The following ANKIB1 variants were observed in gnomAD, a reference collection of about 807,000 sequenced individuals.
ANKIB1 encodes the protein ankyrin repeat and IBR domain-containing protein 1.
Under a neutral mutation model 122.1 loss-of-function variants are expected in ANKIB1, and 43 were observed. The ratio of observed to expected loss-of-function variants is 0.35; its 90% confidence interval spans 0.28 to 0.45. The LOEUF (loss-of-function observed/expected upper bound fraction) is 0.45. ANKIB1 is among the 20% of genes least tolerant of loss of function. The pLI is 1.00. For missense variants in ANKIB1, 992 were observed against 1,329.5 expected (o/e 0.75, Z 3.95); for synonymous variants, 390 against 442.0 (o/e 0.88, Z 1.48).
In ANKIB1 at chr7:92,391,198, C is replaced by G; in HGVS notation, c.2085C>G (p.Ala695=). Residue 695 remains alanine (A), a synonymous_variant, in exon 16 of 20, where the codon GCC becomes GCG. Transcript: ENST00000265742. ...TDLEMVTEDL[A]QKVNRPYLRT... is the part of the protein sequence containing the mutation. ...TAGAAATGGTCACTGAAGACCTTGC[C>G]CAGAAAGTCAATAGGCCTTACCTTC... The G allele has an allele frequency of 6.2e-7, 1 of 1,612,426 alleles. No homozygotes were observed. Among genetic ancestry groups the G allele is most frequent in the South Asian group, 1.1e-5 (1 of 90,914 alleles).
chr7:92,296,984 A>T (rs763276846), intron 2 of ANKIB1, among the ~76,000 whole-genome samples: 1 of 152,174 alleles, frequency 6.6e-6, no homozygotes, highest in African/African-American at 2.4e-5. Context: ...TTGAAATTTT[A>T]TATTTTCCCT....
intron 1 of ANKIB1, among the ~76,000 whole-genome samples, chr7:92,278,226 G>C (rs1801944604): frequency 1.3e-5 from 2 of 152,056 alleles, no homozygotes; most frequent in African/African-American, 4.8e-5. Flanking sequence ...ACTCCAGCCT[G>C]GGCTACAGAA....
intron 5 of ANKIB1, among the ~76,000 whole-genome samples, chr7:92,330,928 A>G (rs1286100006): frequency 1.3e-5 from 2 of 152,210 alleles, no homozygotes; most frequent in Non-Finnish European, 2.9e-5. Context: ...ACTTATACAG[A>G]AACACAAAAT....
chr7:92,256,853 A>G (rs575088015), intron 1 of ANKIB1, among the ~76,000 whole-genome samples: 161 of 152,342 alleles, frequency 1.1e-3, no homozygotes, highest in African/African-American at 3.8e-3. Context: ...TCTCTGTTGG[A>G]TGGAATATAA....
At chr7:92,284,358 C>T (rs1342805669) in intron 1 of ANKIB1, among the ~76,000 whole-genome samples, 2 of 152,180 alleles carry the variant, frequency 1.3e-5, no homozygotes, top group African/African-American at 4.8e-5. Flanking sequence ...ATTGCCGTTA[C>T]ATTTCTAAAG....
At chr7:92,325,403 C>G (rs1239660799) in intron 4 of ANKIB1, among the ~76,000 whole-genome samples, 1 of 152,126 alleles carries the variant, frequency 6.6e-6, no homozygotes, top group Non-Finnish European at 1.5e-5. Flanking sequence ...GATGCCCAGG[C>G]AAGAACTGCT....
At chr7:92,296,225 AT>A (rs56718705) in intron 2 of ANKIB1, among the ~76,000 whole-genome samples, 6,648 of 146,596 alleles carry the variant, frequency 0.045, 422 homozygotes, top group African/African-American at 0.15. Flanking sequence ...CTCTTACCTA[AT>A]TTTTTTTTTT....
chr7:92,362,396 T>G (rs2115604372), intron 10 of ANKIB1, 123 bp downstream of exon 10: 1 of 821,360 alleles, frequency 1.2e-6, no homozygotes, highest in African/African-American at 1.7e-5. Flanking sequence ...AGTGCTCTCC[T>G]GTTTAACATC....
At chr7:92,261,833 A>G (rs1259953682) in intron 1 of ANKIB1, among the ~76,000 whole-genome samples, 1 of 152,096 alleles carries the variant, frequency 6.6e-6, no homozygotes, top group African/African-American at 2.4e-5. Flanking sequence ...CATTTCAGGT[A>G]TTTTGCGCTA....
intron 1 of ANKIB1, among the ~76,000 whole-genome samples, chr7:92,260,513 T>C (rs1164491995): frequency 3.9e-5 from 6 of 152,076 alleles, no homozygotes; most frequent in African/African-American, 1.4e-4. Context: ...ACCTCCCCTC[T>C]ACAAAAGGTA....
intron 11 of ANKIB1, among the ~76,000 whole-genome samples, chr7:92,376,345 T>G (rs1381154928): frequency 1.3e-5 from 2 of 152,242 alleles, no homozygotes; most frequent in Non-Finnish European, 2.9e-5. Flanking sequence ...ATCTGTTGTT[T>G]AATGTAGCCA....
chr7:92,336,083 CATT>C (rs756682638), intron 5 of ANKIB1, among the ~76,000 whole-genome samples: 3 of 152,032 alleles, frequency 2.0e-5, no homozygotes, highest in Non-Finnish European at 4.4e-5. Context: ...CTTATGCTAT[CATT>C]ATTATAGTAC....
chr7:92,321,498 T>C (rs1802911670), intron 4 of ANKIB1, among the ~76,000 whole-genome samples: 1 of 152,198 alleles, frequency 6.6e-6, no homozygotes, highest in Non-Finnish European at 1.5e-5. Context: ...TAGAGCCATA[T>C]CTGCCTATTC....
Position 92,387,860 on chromosome 7 carries a change from T to C in ANKIB1, c.1815T>C (p.Phe605=), listed in dbSNP as rs1804693830. 1 of 1,612,690 alleles carries C rather than the reference T, an allele frequency of 6.2e-7. No homozygotes were observed. Among genetic ancestry groups the C allele is most frequent in the South Asian group, 1.1e-5 (1 of 90,804 alleles). ...LDRFMHYYTR[F]KNHEHSYQLE... is the part of the protein sequence containing the mutation. ...GATTTATGCACTATTATACAAGATT[T>C]AAAAACCATGAGCATAGTTATCAGG... is the stretch of plus-strand genomic sequence containing the variant. Residue 605 remains phenylalanine, a synonymous_variant, in exon 13 of 20, where the codon TTT becomes TTC. Transcript: ENST00000265742.
At chr7:92,291,874 C>T (rs1382834729) in intron 1 of ANKIB1, among the ~76,000 whole-genome samples, 1 of 152,040 alleles carries the variant, frequency 6.6e-6, no homozygotes, top group East Asian at 1.9e-4. Flanking sequence ...CACACCCGGC[C>T]CAGGGTACAT....
At position 92,246,317 on chromosome 7, in the gene ANKIB1, G is replaced by C. The variant is rs1161517314; in HGVS notation, c.-293G>C. ...CTTCGGCTCACGCAGCGCTTCCCGC[G>C]GGCCGCCAGTGCGCACCCTCGGCCA... On this transcript the variant is annotated 5_prime_UTR_variant, in exon 1 of 20. Coordinates refer to ENST00000265742, the MANE Select transcript of ANKIB1 (RefSeq NM_019004.2). 2.4e-6 allele frequency: 1 copy of C among 409,806 alleles called. No individual in the cohort carries two copies. Among genetic ancestry groups the C allele is most frequent in the African/African-American group, 2.2e-5 (1 of 45,770 alleles). 25.4% of individuals were successfully genotyped at this position (409,806 alleles called of 1,614,324 possible). A position where few individuals can be genotyped will look rare whatever the true frequency, so the allele number is the denominator to read the frequency against.
chr7:92,329,984 A>G (rs1349071987), intron 5 of ANKIB1, among the ~76,000 whole-genome samples: 3 of 152,196 alleles, frequency 2.0e-5, no homozygotes, highest in African/African-American at 7.2e-5. Context: ...AAAACCCTTC[A>G]GTGGCTTGCT....
rs1800979673 is a variant in ANKIB1 at position 92,246,219 on chromosome 7, C to T, written c.-391C>T. 2.7e-6 allele frequency: 1 copy of T among 377,004 alleles called. No homozygotes were observed. The highest frequency in any genetic ancestry group is 5.0e-6 in the Non-Finnish European group (1 of 198,402). 23.4% of individuals were successfully genotyped at this position (377,004 alleles called of 1,614,324 possible). A position where few individuals can be genotyped will look rare whatever the true frequency, so the allele number is the denominator to read the frequency against. ...AGAGCCACCGCCCCCTCTTCCCCTC[C>T]CCCGAGTGAGGCGGCGCAGCGGCCG... On this transcript the variant is annotated 5_prime_UTR_variant, in exon 1 of 20. Transcript: ENST00000265742.
intron 19 of ANKIB1, 128 bp downstream of exon 19, chr7:92,397,987 G>C (rs541320286): frequency 1.5e-6 from 2 of 1,337,714 alleles, no homozygotes. Context: ...TTAAAGATGT[G>C]CTGCAGGAAA....
Sources: allele counts gnomAD v4.1 joint callset (sites outside exome capture counted in the v4.1 genomes callset), GRCh38; gene constraint gnomAD v4.1.1; transcripts MANE v1.5; gene names NCBI Gene and HGNC (gene_info 2026-07-23, HGNC 2026-07-21).